TAFA5: variants seen among roughly 807,000 people sequenced by gnomAD.
The protein encoded by TAFA5 is TAFA chemokine like family member 5.
In TAFA5, 6 loss-of-function variants were observed where a neutral mutation model predicts 15.3. That is an observed-to-expected ratio of 0.39 (90% CI 0.21 to 0.77). The LOEUF is 0.77. Ranked by LOEUF, TAFA5 falls within the 30% of genes least tolerant of loss-of-function variation. The pLI is 0.41. For synonymous variants in TAFA5, 103 were observed against 80.7 expected (o/e 1.28, Z -1.48); for missense variants, 161 against 193.1 (o/e 0.83, Z 0.98).
intron 1 of TAFA5, among the ~76,000 whole-genome samples, chr22:48,626,752 C>T (rs545414980): frequency 2.6e-5 from 4 of 152,332 alleles, no homozygotes; most frequent in African/African-American, 9.6e-5. Flanking sequence ...TATCTAAAAG[C>T]TCATCACCCA....
At chr22:48,547,670 C>T (rs1382396267) in intron 1 of TAFA5, among the ~76,000 whole-genome samples, 1 of 152,142 alleles carries the variant, frequency 6.6e-6, no homozygotes. Flanking sequence ...ATGGCAACCT[C>T]GTAAGCCAGT....
At chr22:48,735,851 C>T (rs1030403407) in intron 3 of TAFA5, among the ~76,000 whole-genome samples, 1 of 149,370 alleles carries the variant, frequency 6.7e-6, no homozygotes, top group Non-Finnish European at 1.5e-5. Context: ...GAATGAGAAT[C>T]GCACTCCTAG....
intron 2 of TAFA5, among the ~76,000 whole-genome samples, chr22:48,692,950 C>T (rs570995509): frequency 1.3e-5 from 2 of 152,334 alleles, no homozygotes; most frequent in East Asian, 1.9e-4. Context: ...AGGGCATCGG[C>T]GGCGCCTTGG....
intron 1 of TAFA5, among the ~76,000 whole-genome samples, chr22:48,588,075 C>T (rs1280722426): frequency 6.6e-6 from 1 of 152,170 alleles, no homozygotes; most frequent in Admixed American, 6.5e-5. Flanking sequence ...AATGGGGGCT[C>T]CAGTGGTTTG....
chr22:48,675,540 G>A (rs915438220), intron 2 of TAFA5, among the ~76,000 whole-genome samples: 6 of 152,254 alleles, frequency 3.9e-5, no homozygotes, highest in Admixed American at 2.6e-4. Context: ...GCTTTGCCCA[G>A]ACAAGTGGAC....
At chr22:48,620,703 A>C (rs1321584346) in intron 1 of TAFA5, among the ~76,000 whole-genome samples, 1 of 22,062 alleles carries the variant, frequency 4.5e-5, no homozygotes, top group African/African-American at 1.5e-4. Context: ...TCACCCCCAT[A>C]CCCATCCTAT....
intron 1 of TAFA5, among the ~76,000 whole-genome samples, chr22:48,609,112 G>A (rs1358358894): frequency 6.6e-6 from 1 of 152,220 alleles, no homozygotes; most frequent in Non-Finnish European, 1.5e-5. Flanking sequence ...CCCTGGCAGA[G>A]GAGAGCACTG....
At chr22:48,689,746 G>A (rs923085734) in intron 2 of TAFA5, among the ~76,000 whole-genome samples, 1 of 152,172 alleles carries the variant, frequency 6.6e-6, no homozygotes, top group Non-Finnish European at 1.5e-5. Flanking sequence ...GCCAGACTGT[G>A]CAGGAAAGAG....
intron 2 of TAFA5, among the ~76,000 whole-genome samples, chr22:48,696,841 A>G (rs1483890295): frequency 1.3e-5 from 2 of 152,250 alleles, no homozygotes; most frequent in African/African-American, 4.8e-5. Context: ...GCATCATTCC[A>G]GCTTCTAACC....
intron 1 of TAFA5, among the ~76,000 whole-genome samples, chr22:48,593,722 G>T (rs1001750619): frequency 5.3e-5 from 8 of 152,200 alleles, no homozygotes; most frequent in African/African-American, 1.4e-4. Flanking sequence ...AGTCCCCAAG[G>T]AAGGCCAGCT....
chr22:48,548,225 GCT>G (rs1490620989), intron 1 of TAFA5, among the ~76,000 whole-genome samples: 2 of 152,200 alleles, frequency 1.3e-5, no homozygotes, highest in Non-Finnish European at 2.9e-5. Context: ...CATTAGGATT[GCT>G]CTTTCTCTTA....
At chr22:48,674,339 G>A (rs1601661533) in intron 2 of TAFA5, among the ~76,000 whole-genome samples, 4 of 131,770 alleles carry the variant, frequency 3.0e-5, no homozygotes, top group Non-Finnish European at 3.6e-5. Flanking sequence ...CTTTTGTTCC[G>A]CCAGCGGTTC....
At chr22:48,671,498 G>A (rs752440570) in intron 2 of TAFA5, among the ~76,000 whole-genome samples, 40 of 152,258 alleles carry the variant, frequency 2.6e-4, no homozygotes, top group African/African-American at 7.2e-4. Flanking sequence ...TTTCTTCATC[G>A]GTGCTCATCC....
intron 1 of TAFA5, among the ~76,000 whole-genome samples, chr22:48,538,485 A>C (rs1173109033): frequency 1.3e-5 from 2 of 152,192 alleles, no homozygotes; most frequent in Non-Finnish European, 2.9e-5. Flanking sequence ...CGGAGGGCAG[A>C]ATGAGGACCA....
At chr22:48,567,417 G>A (rs560082768) in intron 1 of TAFA5, among the ~76,000 whole-genome samples, 211 of 152,334 alleles carry the variant, frequency 1.4e-3, no homozygotes, top group Admixed American at 3.1e-3. Flanking sequence ...GAGTGAATGG[G>A]ATCTATTAAG....
At chr22:48,697,975 G>T (rs924849834) in intron 2 of TAFA5, among the ~76,000 whole-genome samples, 1 of 150,772 alleles carries the variant, frequency 6.6e-6, no homozygotes, top group Admixed American at 6.6e-5. Context: ...TGATGGTCCT[G>T]TTGATAGGAT....
chr22:48,615,956 G>A (rs556914234), intron 1 of TAFA5, among the ~76,000 whole-genome samples: 1 of 152,326 alleles, frequency 6.6e-6, no homozygotes, highest in East Asian at 1.9e-4. Context: ...GGTCAGGTCT[G>A]TTTCTACACT....
rs940569323 is a variant in TAFA5 at position 48,576,385 on chromosome 22, G to T, written c.113-70212G>T. 7.4e-6 allele frequency: 9 copies of T among 1,222,020 alleles called. No homozygotes were observed. In the East Asian group the frequency reaches 3.0e-4, roughly 41 times the overall value. 75.7% of individuals were successfully genotyped at this position (1,222,020 alleles called of 1,614,324 possible). On this transcript the variant is annotated intron_variant, in intron 1 of 3. Transcript: ENST00000402357. ...TTGGCGGCGGATGGAGGGCGCGAGC[G>T]GGCGGCCGCGGAGGCTGCACCCGGC... is the stretch of plus-strand genomic sequence containing the variant.
At chr22:48,697,602 G>T (rs905883064) in intron 2 of TAFA5, among the ~76,000 whole-genome samples, 3 of 84,776 alleles carry the variant, frequency 3.5e-5, no homozygotes, top group Non-Finnish European at 7.5e-5. Context: ...GTTGAGGATG[G>T]TGGTGGTGAT....
Sources: gnomAD v4.1 joint callset for allele counts (sites outside exome capture counted in the v4.1 genomes callset) on GRCh38, gnomAD v4.1.1 for gene constraint, MANE v1.5 for transcripts, NCBI Gene and HGNC (gene_info 2026-07-23, HGNC 2026-07-21) for gene names.